Variants in CSPP1 observed in about 807,000 individuals in gnomAD.
The protein encoded by CSPP1 is centrosome and spindle pole-associated protein 1.
A neutral mutation model predicts 164.4 loss-of-function variants in CSPP1; 126 were observed. The observed-to-expected ratio is 0.77, with a 90% CI of 0.66 to 0.89. The LOEUF (loss-of-function observed/expected upper bound fraction) is 0.89. Among genes scored for constraint, CSPP1 ranks in the 40% least tolerant of loss-of-function variants. CSPP1 has a pLI of 0.00. For missense variants in CSPP1, 1,395 were observed against 1,449.8 expected (o/e 0.96, Z 0.61); for synonymous variants, 472 against 476.7 (o/e 0.99, Z 0.13).
chr8:67,074,196 T>TA lies in CSPP1; in HGVS notation c.-10-42dup, dbSNP rs1807416209. 5 of 1,101,746 alleles carry TA rather than the reference T, an allele frequency of 4.5e-6. No homozygotes were observed. In the Admixed American group the frequency reaches 1.0e-4, roughly 22 times the overall value. 68.2% of individuals were successfully genotyped at this position (1,101,746 alleles called of 1,614,324 possible). A position where few individuals can be genotyped will look rare whatever the true frequency, so the allele number is the denominator to read the frequency against. ...TAAGCCTACATGTTGATAATTAGGC[T>TA]AAAAATACTGTGATATAGATACGCT... On this transcript the variant is annotated intron_variant, in intron 1 of 30. Coordinates refer to ENST00000678616, the MANE Select transcript of CSPP1 (RefSeq NM_001382391.1).
intron 3 of CSPP1, among the ~76,000 whole-genome samples, chr8:67,078,984 G>C (rs1314062068): frequency 6.6e-6 from 1 of 151,894 alleles, no homozygotes; most frequent in Non-Finnish European, 1.5e-5. Context: ...TAAAAAAAAA[G>C]AGTAGTTGTT....
intron 9 of CSPP1, among the ~76,000 whole-genome samples, chr8:67,107,919 T>C (rs1265881868): frequency 6.6e-6 from 1 of 152,110 alleles, no homozygotes; most frequent in African/African-American, 2.4e-5. Context: ...TTAAGCCTCT[T>C]ATGATCCAAG....
chr8:67,153,019 G>A (rs916360966), intron 18 of CSPP1, among the ~76,000 whole-genome samples: 1 of 152,014 alleles, frequency 6.6e-6, no homozygotes, highest in Non-Finnish European at 1.5e-5. Context: ...CCAATGTGAC[G>A]AAATCCCGTC....
intron 28 of CSPP1, among the ~76,000 whole-genome samples, chr8:67,186,631 T>C (rs1834688371): frequency 6.6e-6 from 1 of 152,204 alleles, no homozygotes. Flanking sequence ...AGGATGTCCT[T>C]TCTCACCACT....
chr8:67,079,276 T>C (rs557306687), intron 3 of CSPP1, among the ~76,000 whole-genome samples: 12 of 152,314 alleles, frequency 7.9e-5, no homozygotes, highest in Admixed American at 5.9e-4. Flanking sequence ...ACATCTGTAC[T>C]TGTATGGTCA....
chr8:67,162,981 C>T lies in CSPP1; in HGVS notation c.2644-751C>T, dbSNP rs147433945. 3.9e-5 allele frequency among the ~76,000 whole-genome samples: 6 copies of T among 152,166 alleles called. No homozygotes were observed. The East Asian group carries it at 7.7e-4, about 20-fold the overall frequency. Reference sequence around the variant, plus strand: ...CTTGTTAAATTAGTGCCATTGTCTACGATGAGTGTCTACAAGAGAAGTAAA... The same window carrying T: ...CTTGTTAAATTAGTGCCATTGTCTATGATGAGTGTCTACAAGAGAAGTAAA... On this transcript the variant is annotated intron_variant, in intron 22 of 30. Transcript: ENST00000678616.
intron 25 of CSPP1, 195 bp downstream of exon 25, chr8:67,172,750 T>C (rs1361188743): frequency 3.9e-6 from 2 of 510,854 alleles, no homozygotes; most frequent in Non-Finnish European, 6.9e-6. Context: ...TTAGTTTGAC[T>C]AACTGCTTTC....
At chr8:67,192,247 G>C (rs1836541617) in intron 29 of CSPP1, among the ~76,000 whole-genome samples, 1 of 151,900 alleles carries the variant, frequency 6.6e-6, no homozygotes, top group South Asian at 2.1e-4. Context: ...GCTAAGTTTT[G>C]TATTTTTAGT....
At chr8:67,176,452 G>A (rs918463699) in intron 26 of CSPP1, among the ~76,000 whole-genome samples, 5 of 152,108 alleles carry the variant, frequency 3.3e-5, no homozygotes, top group African/African-American at 9.7e-5. Flanking sequence ...AGGGATTGTC[G>A]TCCCTTCATC....
chr8:67,180,402 G>C (rs1467288479), intron 28 of CSPP1, among the ~76,000 whole-genome samples: 1 of 152,228 alleles, frequency 6.6e-6, no homozygotes, highest in Admixed American at 6.5e-5. Flanking sequence ...TTAAGAAATT[G>C]AGAACAGATT....
At chr8:67,139,912 G>A (rs1823153111) in intron 17 of CSPP1, among the ~76,000 whole-genome samples, 1 of 152,120 alleles carries the variant, frequency 6.6e-6, no homozygotes, top group Non-Finnish European at 1.5e-5. Flanking sequence ...GTTAATGGGT[G>A]CAGCACACCA....
At chr8:67,085,424 T>C (rs1810183884) in intron 3 of CSPP1, among the ~76,000 whole-genome samples, 1 of 151,884 alleles carries the variant, frequency 6.6e-6, no homozygotes, top group South Asian at 2.1e-4. Context: ...CCCTAATAAT[T>C]TTTTCTCAGA....
chr8:67,102,635 A>G (rs542468664), intron 7 of CSPP1, among the ~76,000 whole-genome samples: 6 of 152,292 alleles, frequency 3.9e-5, no homozygotes, highest in Admixed American at 2.0e-4. Flanking sequence ...CACAGACTCT[A>G]TGAATTTTGA....
chr8:67,137,067 C>A (rs1822466211), intron 16 of CSPP1, among the ~76,000 whole-genome samples: 1 of 151,960 alleles, frequency 6.6e-6, no homozygotes, highest in South Asian at 2.1e-4. Context: ...CTACAAACTC[C>A]ACCTCCTGGG....
chr8:67,071,854 A>C (rs1269577468), intron 1 of CSPP1, among the ~76,000 whole-genome samples: 2 of 152,174 alleles, frequency 1.3e-5, no homozygotes, highest in Admixed American at 1.3e-4. Flanking sequence ...TTCATATGCA[A>C]AAAAGTTGAG....
At chr8:67,131,386 CA>C (rs1013391471) in intron 15 of CSPP1, among the ~76,000 whole-genome samples, 12 of 150,742 alleles carry the variant, frequency 8.0e-5, no homozygotes, top group Admixed American at 2.0e-4. Context: ...GACCCTGTCC[CA>C]AAAAAAACCA....
intron 8 of CSPP1, 129 bp from the exon 9 acceptor site, chr8:67,105,776 G>T (rs1349004738): frequency 3.3e-6 from 2 of 614,256 alleles, no homozygotes; most frequent in Non-Finnish European, 5.8e-6. Context: ...TTAAAAATTT[G>T]TAAATATTTT....
chr8:67,081,226 T>C (rs1043971397), intron 3 of CSPP1: 1 of 131,974 alleles, frequency 7.6e-6, no homozygotes, highest in African/African-American at 3.7e-5. Flanking sequence ...GGGCTCACAA[T>C]GATTTACGTT....
chr8:67,119,339 T>C (rs1818545243), intron 15 of CSPP1, among the ~76,000 whole-genome samples: 1 of 152,220 alleles, frequency 6.6e-6, no homozygotes, highest in Non-Finnish European at 1.5e-5. Flanking sequence ...TGAATAATGC[T>C]GCTGTGAACA....
Sources: allele counts gnomAD v4.1 joint callset (sites outside exome capture counted in the v4.1 genomes callset), GRCh38; gene constraint gnomAD v4.1.1; transcripts MANE v1.5; gene names NCBI Gene and HGNC (gene_info 2026-07-23, HGNC 2026-07-21).